Variants in MRTO4 observed in about 807,000 individuals in gnomAD.
The protein encoded by MRTO4 is mRNA turnover protein 4 homolog.
In MRTO4, 7 loss-of-function variants were observed where a neutral mutation model predicts 28.6. The observed-to-expected ratio is 0.24, with a 90% confidence interval of 0.14 to 0.46. MRTO4 has a LOEUF of 0.46. Among genes scored for constraint, MRTO4 ranks in the 20% least tolerant of loss-of-function variants. The pLI is 0.99. For missense variants in MRTO4, 302 were observed against 298.3 expected (o/e 1.01, Z -0.09); for synonymous variants, 113 against 108.2 (o/e 1.04, Z -0.27).
chr1:19,258,865 C>T lies in MRTO4; in HGVS notation c.*35C>T. 1.2e-6 allele frequency: 2 copies of T among 1,603,048 alleles called. No individual in the cohort carries two copies. Among genetic ancestry groups the T allele is most frequent in the Non-Finnish European group, 1.7e-6 (2 of 1,174,690 alleles). ...GGGACTGAAGGTCTCCTGGAAGCTT[C>T]TGGGTCTCACTGGACCATCAGGACT... On this transcript the variant is annotated 3_prime_UTR_variant, in exon 8 of 8. Transcript: ENST00000330263.
chr1:19,254,731 A>G (rs750577542), intron 1 of MRTO4, 51 bp from the exon 2 acceptor site: 16 of 1,409,118 alleles, frequency 1.1e-5, no homozygotes, highest in African/African-American at 9.9e-5. Context: ...ATAAGTCTCC[A>G]GTGCATTTAG....
chr1:19,255,960 G>A lies in MRTO4; in HGVS notation c.100G>A (p.Val34Met). 2 of 1,614,008 alleles carry A rather than the reference G, an allele frequency of 1.2e-6. No homozygotes were observed. The highest frequency in any genetic ancestry group is 8.5e-7 in the Non-Finnish European group (1 of 1,179,978). ...QNLIEELRKC[V>M]DTYKYLFIFS... ...AATTGTCCCACAGCTTCGGAAATGT[G>A]TGGACACCTACAAGTACCTTTTCAT... Residue 34 changes from valine to methionine, a missense_variant, in exon 3 of 8, where the codon GTG becomes ATG. Coordinates refer to ENST00000330263, the MANE Select transcript of MRTO4 (RefSeq NM_016183.4).
intron 4 of MRTO4, 111 bp downstream of exon 4, chr1:19,257,256 C>T (rs1569600004): frequency 7.8e-7 from 1 of 1,279,032 alleles, no homozygotes; most frequent in Non-Finnish European, 1.1e-6. Flanking sequence ...TCAGGGAGAG[C>T]AGGGCCTGGC....
At chr1:19,251,962 G>T (rs1314849233) in intron 1 of MRTO4, 99 bp downstream of exon 1, 5 of 1,473,904 alleles carry the variant, frequency 3.4e-6, no homozygotes, top group Non-Finnish European at 4.6e-6. Context: ...AGATTGGAAC[G>T]CCAGGACATC....
rs2093677392 is a variant in MRTO4 at position 19,259,634 on chromosome 1, A to C, written c.*804A>C. ...CTGGCTGCCTTGGCACTGCCATGAC[A>C]GCACAGCTCCACACCAGAGCTGGGG... On this transcript the variant is annotated 3_prime_UTR_variant, in exon 8 of 8. Coordinates refer to ENST00000330263, the MANE Select transcript of MRTO4 (RefSeq NM_016183.4). The C allele has an allele frequency of 6.6e-6, 1 of 152,268 alleles. No individual in the cohort carries two copies. The highest frequency in any genetic ancestry group is 2.1e-4 in the South Asian group (1 of 4,838). 9.4% of individuals were successfully genotyped at this position (152,268 alleles called of 1,614,324 possible).
chr1:19,258,950 G>C lies in MRTO4; in HGVS notation c.*120G>C, dbSNP rs898267660. The C allele has an allele frequency of 1.1e-4, 130 of 1,205,134 alleles. 3 individuals carry two copies. In the East Asian group the frequency reaches 3.1e-3, roughly 28 times the overall value. The allele number at this position is 1,205,134 out of a possible 1,614,324, so 74.7% of individuals were successfully genotyped here. A position where few individuals can be genotyped will look rare whatever the true frequency, so the allele number is the denominator to read the frequency against. ...TGTCTGTAGACAGGGAACATGATGG[G>C]CACTGACCTCCTGTAAAGAATAAAA... On this transcript the variant is annotated 3_prime_UTR_variant, in exon 8 of 8. Coordinates refer to ENST00000330263, the MANE Select transcript of MRTO4 (RefSeq NM_016183.4).
At chr1:19,253,289 G>A (rs2093666188) in intron 1 of MRTO4, among the ~76,000 whole-genome samples, 1 of 152,196 alleles carries the variant, frequency 6.6e-6, no homozygotes, top group Admixed American at 6.5e-5. Flanking sequence ...GGAGAATGCT[G>A]TTCCAAGTAG....
intron 1 of MRTO4, 88 bp downstream of exon 1, chr1:19,251,951 C>G: frequency 6.7e-7 from 1 of 1,501,514 alleles, no homozygotes. Flanking sequence ...GGCGGGGGCG[C>G]AGATTGGAAC....
intron 2 of MRTO4, 144 bp from the exon 3 acceptor site, chr1:19,255,804 G>A (rs1401891373): frequency 3.0e-6 from 2 of 659,654 alleles, no homozygotes; most frequent in Non-Finnish European, 5.2e-6. Context: ...AATGGAGGTA[G>A]GAGACAACCA....
chr1:19,256,924 C>A, intron 3 of MRTO4, 140 bp from the exon 4 acceptor site: 2 of 755,308 alleles, frequency 2.6e-6, no homozygotes, highest in Non-Finnish European at 4.5e-6. Context: ...GACAGTGTGG[C>A]CAGGCAGCAT....
intron 2 of MRTO4, among the ~76,000 whole-genome samples, 195 bp downstream of exon 2, chr1:19,255,035 G>C (rs745803060): frequency 3.9e-5 from 6 of 151,928 alleles, no homozygotes; most frequent in Non-Finnish European, 7.4e-5. Context: ...ATGATTTCCA[G>C]CTTTGACTAG....
Position 19,251,864 on chromosome 1 carries a change from G to A in MRTO4, c.28+1G>A. 1 of 1,592,006 alleles carries A rather than the reference G, an allele frequency of 6.3e-7. No homozygotes were observed. Among genetic ancestry groups the A allele is most frequent in the African/African-American group, 1.3e-5 (1 of 74,636 alleles). ...CCCAAATCCAAGCGCGACAAGAAAG[G>A]TGGGCGAAGGGGGAGTCGGGACCCT... On this transcript the variant is annotated splice_donor_variant, in intron 1 of 7. Coordinates refer to ENST00000330263, the MANE Select transcript of MRTO4 (RefSeq NM_016183.4). LOFTEE classifies it high-confidence loss of function.
chr1:19,251,892 G>T (rs554468523), intron 1 of MRTO4, 29 bp downstream of exon 1: 3 of 1,585,132 alleles, frequency 1.9e-6, no homozygotes, highest in East Asian at 4.6e-5. Context: ...GGGACCCTGG[G>T]GGGAGCTCCG....
rs1044299901 is a variant in MRTO4 at position 19,257,135 on chromosome 1, A to G, written c.263A>G (p.Asn88Ser). The G allele has an allele frequency of 1.9e-6, 3 of 1,614,096 alleles. No individual in the cohort carries two copies. Among genetic ancestry groups the G allele is most frequent in the Non-Finnish European group, 2.5e-6 (3 of 1,180,000 alleles). The change falls in exon 4 of 8, where the codon AAC (asparagine) becomes AGC (serine). Residue 88 changes from asparagine (N) to serine (S), a missense_variant. Physicochemically the swap from Asn to Ser is conservative, Grantham distance 46. Transcript: ENST00000330263. ...AGCCCATCTGATGAATACAAAGACA[A>G]CCTGCACCAGGTAAGTCTCTGGCCC... ...GRSPSDEYKD[N>S]LHQVSKRLRG...
Position 19,256,051 on chromosome 1 carries a change from G to A in MRTO4, c.191G>A (p.Arg64Gln), listed in dbSNP as rs138723852. The A allele has an allele frequency of 3.7e-4, 605 of 1,613,916 alleles. 5 individuals are homozygous for A. The South Asian group carries it at 3.9e-3, about 11-fold the overall frequency. The change falls in exon 3 of 8, where the codon CGG becomes CAG. Residue 64 changes from arginine (R) to glutamine (Q), a missense_variant and splice_region_variant. Arg to Gln is a conservative substitution (Grantham distance 43). Transcript: ENST00000330263. ...ATCCGGAACGCCTGGAAGCACAGCCGGTGAGCGGGCAGGGGGAGGAAGGCC... is the reference window on the plus strand; with the variant it reads ...ATCCGGAACGCCTGGAAGCACAGCCAGTGAGCGGGCAGGGGGAGGAAGGCC... ...KDIRNAWKHSRMFFGKNKVMM... is the reference protein window; with the variant it reads ...KDIRNAWKHSQMFFGKNKVMM...
intron 3 of MRTO4, 79 bp from the exon 4 acceptor site, chr1:19,256,985 G>A (rs923921055): frequency 3.2e-5 from 45 of 1,397,490 alleles, no homozygotes; most frequent in East Asian, 2.5e-4. Context: ...ACTGGGGACC[G>A]GAGCTACTTT....
chr1:19,252,433 C>T (rs1490987348), intron 1 of MRTO4, among the ~76,000 whole-genome samples: 1 of 152,184 alleles, frequency 6.6e-6, no homozygotes, highest in Non-Finnish European at 1.5e-5. Flanking sequence ...TGCGGTGGCT[C>T]ACGCCTGTAA....
In MRTO4 at chr1:19,255,937, T is replaced by C. The variant is rs778113010; in HGVS notation, c.88-11T>C. ...CTGCTTGAACTCAGAGCCTCGTGAA[T>C]TGTCCCACAGCTTCGGAAATGTGTG... On this transcript the variant is annotated splice_polypyrimidine_tract_variant and intron_variant, in intron 2 of 7. Transcript: ENST00000330263. 2.6e-5 allele frequency: 42 copies of C among 1,612,356 alleles called. No individual in the cohort carries two copies. The highest frequency in any genetic ancestry group is 3.3e-5 in the Non-Finnish European group (39 of 1,178,636).
At position 19,254,741 on chromosome 1, in the gene MRTO4, G is replaced by A. The variant is rs373677820; in HGVS notation, c.29-41G>A. The A allele has an allele frequency of 1.7e-5, 25 of 1,500,378 alleles. No homozygotes were observed. The African/African-American group carries it at 1.9e-4, about 12-fold the overall frequency. 92.9% of individuals were successfully genotyped at this position (1,500,378 alleles called of 1,614,324 possible). A position where few individuals can be genotyped will look rare whatever the true frequency, so the allele number is the denominator to read the frequency against. ...AGAAAATAAGTCTCCAGTGCATTTA[G>A]ATTGGTCTCTCATCATCTCTCTCCT... On this transcript the variant is annotated intron_variant, in intron 1 of 7. Transcript: ENST00000330263.
Sources: allele counts gnomAD v4.1 joint callset (sites outside exome capture counted in the v4.1 genomes callset), GRCh38; gene constraint gnomAD v4.1.1; transcripts MANE v1.5; gene names NCBI Gene and HGNC (gene_info 2026-07-23, HGNC 2026-07-21).